Variants in DSE observed in about 807,000 individuals in gnomAD.
DSE encodes dermatan sulfate epimerase, also known as dermatan-sulfate epimerase.
Under a neutral mutation model 84.4 loss-of-function variants are expected in DSE, and 36 were observed. That is an observed-to-expected ratio of 0.43 (90% CI 0.33 to 0.56). DSE has a LOEUF of 0.56. DSE is among the 20% of genes least tolerant of loss of function. DSE has a pLI of 0.06. For missense variants in DSE, 862 were observed against 1,169.6 expected (o/e 0.74, Z 3.84); for synonymous variants, 410 against 430.1 (o/e 0.95, Z 0.58).
intron 2 of DSE, among the ~76,000 whole-genome samples, chr6:116,327,818 A>G (rs1776710114): frequency 6.6e-6 from 1 of 152,226 alleles, no homozygotes; most frequent in Non-Finnish European, 1.5e-5. Context: ...GTGTTACTAC[A>G]AAAACTGTGT....
intron 2 of DSE, among the ~76,000 whole-genome samples, chr6:116,316,902 T>C (rs1776016773): frequency 6.6e-6 from 1 of 151,832 alleles, no homozygotes; most frequent in Non-Finnish European, 1.5e-5. Context: ...TTAGCTCATT[T>C]ACTACTAGAA....
At chr6:116,416,783 G>C (rs1443309335) in intron 2 of DSE, among the ~76,000 whole-genome samples, 7 of 151,652 alleles carry the variant, frequency 4.6e-5, no homozygotes, top group African/African-American at 1.7e-4. Flanking sequence ...TGTCTGTATG[G>C]CTTCTCACAT....
chr6:116,442,001 A>C lies in DSE; in HGVS notation c.*4656A>C, dbSNP rs1353669213. Reference sequence around the variant, plus strand: ...GGTAAGTACTGTGGAGAATAAAGCAAGGGGAGGGGATGTAAGGTGATGGTG... The same window carrying C: ...GGTAAGTACTGTGGAGAATAAAGCACGGGGAGGGGATGTAAGGTGATGGTG... On this transcript the variant is annotated 3_prime_UTR_variant, in exon 6 of 6. Transcript: ENST00000644252. The C allele has an allele frequency of 4.6e-5, 7 of 152,320 alleles. No homozygotes were observed. In the East Asian group the frequency reaches 1.3e-3, roughly 29 times the overall value. The allele number at this position is 152,320 out of a possible 1,614,324, so 9.4% of individuals were successfully genotyped here. A position where few individuals can be genotyped will look rare whatever the true frequency, so the allele number is the denominator to read the frequency against.
intron 1 of DSE, among the ~76,000 whole-genome samples, chr6:116,389,869 A>C (rs1291168942): frequency 1.3e-5 from 2 of 152,024 alleles, no homozygotes; most frequent in Non-Finnish European, 2.9e-5. Flanking sequence ...GGCCAAGTTC[A>C]ATAGGTTAAA....
intron 2 of DSE, among the ~76,000 whole-genome samples, chr6:116,295,593 G>A (rs1256830803): frequency 2.6e-5 from 4 of 152,146 alleles, no homozygotes; most frequent in African/African-American, 4.8e-5. Context: ...AAGTAGAGCT[G>A]TCTAGATTTT....
At chr6:116,381,027 G>C (rs1780190004) in intron 1 of DSE, among the ~76,000 whole-genome samples, 1 of 152,040 alleles carries the variant, frequency 6.6e-6, no homozygotes, top group African/African-American at 2.4e-5. Context: ...TTTTATTTTA[G>C]TGTTTGTATA....
chr6:116,274,419 C>T (rs1183723347), intron 2 of DSE, among the ~76,000 whole-genome samples: 4 of 151,760 alleles, frequency 2.6e-5, no homozygotes, highest in Admixed American at 6.6e-5. Flanking sequence ...CAAAATTAGC[C>T]GGGCGTGGTG....
At chr6:116,283,581 T>C (rs1773676967) in intron 2 of DSE, among the ~76,000 whole-genome samples, 1 of 151,780 alleles carries the variant, frequency 6.6e-6, no homozygotes, top group Non-Finnish European at 1.5e-5. Flanking sequence ...TCTCACTCTG[T>C]CGCCCAGGCT....
Position 116,436,592 on chromosome 6 carries a change from C to G in DSE, c.2124C>G (p.Ala708=), listed in dbSNP as rs776106925. 2 of 1,614,202 alleles carry G rather than the reference C, an allele frequency of 1.2e-6. No homozygotes were observed. Among genetic ancestry groups the G allele is most frequent in the Admixed American group, 1.7e-5 (1 of 60,022 alleles). ...LWTGEATGQS[A]FAQVIADRHK... ...CAGGTGAGGCCACAGGACAGTCTGC[C>G]TTTGCACAGGTCATTGCTGATCGTC... Residue 708 remains alanine (A), a synonymous_variant, in exon 6 of 6, where the codon GCC becomes GCG. Coordinates refer to ENST00000644252, the MANE Select transcript of DSE (RefSeq NM_013352.4).
At chr6:116,395,382 G>A (rs530132551) in intron 1 of DSE, among the ~76,000 whole-genome samples, 3 of 151,448 alleles carry the variant, frequency 2.0e-5, no homozygotes, top group African/African-American at 7.3e-5. Flanking sequence ...CCGAGATCGG[G>A]CCACTGCACT....
chr6:116,431,213 G>T lies in DSE; in HGVS notation c.910+20G>T. 6.2e-7 allele frequency: 1 copy of T among 1,612,310 alleles called. No homozygotes were observed. Among genetic ancestry groups the T allele is most frequent in the Non-Finnish European group, 8.5e-7 (1 of 1,178,850 alleles). On this transcript the variant is annotated intron_variant, in intron 4 of 5. Transcript: ENST00000644252. ...TGCCAGGTATAGTGAGGAGTCAGAA[G>T]TGTGAAAACATTAAACTATTGTAAT...
At chr6:116,382,037 C>CTGTGTGTG (rs58610779) in intron 1 of DSE, among the ~76,000 whole-genome samples, 16,895 of 144,722 alleles carry the variant, frequency 0.12, 1,050 homozygotes, top group East Asian at 0.2. Flanking sequence ...ACATGGCATT[C>CTGTGTGTG]TGTGTGTGTG....
intron 2 of DSE, among the ~76,000 whole-genome samples, chr6:116,356,767 C>T (rs1457627279): frequency 1.3e-5 from 2 of 152,162 alleles, no homozygotes; most frequent in East Asian, 1.9e-4. Flanking sequence ...GCTAGCTTCT[C>T]CCTCCCGTGC....
At chr6:116,396,531 A>T (rs568365279) in intron 1 of DSE, among the ~76,000 whole-genome samples, 2 of 152,332 alleles carry the variant, frequency 1.3e-5, no homozygotes, top group East Asian at 3.9e-4. Flanking sequence ...TTAAATGTAC[A>T]GTAATGCACA....
chr6:116,283,454 G>T (rs1773665204), intron 2 of DSE, among the ~76,000 whole-genome samples: 1 of 152,190 alleles, frequency 6.6e-6, no homozygotes, highest in Non-Finnish European at 1.5e-5. Flanking sequence ...ATCATCTCAT[G>T]GGATGGGAGC....
intron 2 of DSE, among the ~76,000 whole-genome samples, chr6:116,268,682 G>T (rs1772742409): frequency 6.6e-6 from 1 of 152,108 alleles, no homozygotes; most frequent in Non-Finnish European, 1.5e-5. Context: ...CCCCTAGAGG[G>T]AGGTATGCAT....
Position 116,430,547 on chromosome 6 carries a change from T to C in DSE, c.671-407T>C, listed in dbSNP as rs906037613. On this transcript the variant is annotated intron_variant, in intron 3 of 5. Transcript: ENST00000644252. Reference sequence around the variant, plus strand: ...TCTCTTCATTTATAGAGTCAATAACTTTTTTTTTTTTTGAGACGGAGTCTC... The same window carrying C: ...TCTCTTCATTTATAGAGTCAATAACCTTTTTTTTTTTTGAGACGGAGTCTC... Among the ~76,000 whole-genome samples, 4 of 146,290 alleles carry C rather than the reference T, an allele frequency of 2.7e-5. No individual in the cohort carries two copies. In the South Asian group the frequency reaches 8.5e-4, roughly 31 times the overall value.
At position 116,388,622 on chromosome 6, in the gene DSE, G is replaced by A. The variant is rs190276971; in HGVS notation, c.-53-10576G>A. On this transcript the variant is annotated intron_variant, in intron 1 of 5. Transcript: ENST00000644252. Reference sequence around the variant, plus strand: ...AAAGATAATATACATTGGCATTTGTGGAAAGTGGAAAATGTATTTTGATTA... The same window carrying A: ...AAAGATAATATACATTGGCATTTGTAGAAAGTGGAAAATGTATTTTGATTA... 3.4e-4 allele frequency among the ~76,000 whole-genome samples: 51 copies of A among 152,160 alleles called. 1 individual carries two copies. In the East Asian group the frequency reaches 9.6e-3, roughly 29 times the overall value.
exon 1 of DSE, chr6:116,254,178 C>T (rs1483777273): frequency 1.2e-5 from 9 of 751,690 alleles, no homozygotes; most frequent in Non-Finnish European, 1.8e-5. Context: ...ACTCTCTGCG[C>T]GGTTGACTAC....
Sources: gnomAD v4.1 joint callset for allele counts (sites outside exome capture counted in the v4.1 genomes callset) on GRCh38, gnomAD v4.1.1 for gene constraint, MANE v1.5 for transcripts, NCBI Gene and HGNC (gene_info 2026-07-23, HGNC 2026-07-21) for gene names.